GNG2: variants seen among roughly 807,000 people sequenced by gnomAD.
The protein encoded by GNG2 is G protein subunit gamma 2.
A neutral mutation model predicts 5.5 loss-of-function variants in GNG2; 5 were observed. The ratio of observed to expected loss-of-function variants is 0.91; its 90% CI spans 0.48 to 1.92. The LOEUF is 1.92. Among genes scored for constraint, GNG2 ranks in the 30% most tolerant of loss-of-function variants. GNG2 has a pLI of 0.01. For synonymous variants in GNG2, 28 were observed against 32.0 expected, an observed-to-expected ratio of 0.88 and a Z score of 0.42; for missense variants, 55 against 88.4, an observed-to-expected ratio of 0.62 and a Z score of 1.52.
At chr14:51,851,778 GC>G (rs1213882259) in intron 2 of GNG2, among the ~76,000 whole-genome samples, 3 of 152,160 alleles carry the variant, frequency 2.0e-5, no homozygotes, top group African/African-American at 7.2e-5. Context: ...CTCTAGTGGT[GC>G]CTTCTCAGCT....
Position 51,865,528 on chromosome 14 carries a change from G to C in GNG2, c.-71+4738G>C, listed in dbSNP as rs192180133. Among the ~76,000 whole-genome samples the C allele has an allele frequency of 1.1e-3, 172 of 152,170 alleles. 3 individuals carry two copies. Among genetic ancestry groups the C allele is most frequent in the Non-Finnish European group, 3.7e-4 (25 of 68,008 alleles). On this transcript the variant is annotated intron_variant, in intron 1 of 3. Transcript: ENST00000556766. ...AATGGTAGAGCTAAAAATGATCTGGGGGGTGACCTAGCCTATATTGACCTC... is the reference window on the plus strand; with the variant it reads ...AATGGTAGAGCTAAAAATGATCTGGCGGGTGACCTAGCCTATATTGACCTC...
At chr14:51,960,345 T>C (rs1889527017) in intron 3 of GNG2, among the ~76,000 whole-genome samples, 1 of 152,208 alleles carries the variant, frequency 6.6e-6, no homozygotes, top group South Asian at 2.1e-4. Flanking sequence ...TGCCTTTTTA[T>C]ATCTTCCATA....
At chr14:51,905,558 C>T (rs1421858193) in intron 2 of GNG2, among the ~76,000 whole-genome samples, 1 of 152,168 alleles carries the variant, frequency 6.6e-6, no homozygotes, top group African/African-American at 2.4e-5. Context: ...GTTACCTTTA[C>T]TCTTTCAGTC....
intron 1 of GNG2, among the ~76,000 whole-genome samples, chr14:51,865,128 G>A (rs745447019): frequency 3.9e-5 from 6 of 152,170 alleles, no homozygotes; most frequent in Non-Finnish European, 8.8e-5. Context: ...AATAATTAAT[G>A]TTAACTTTCT....
chr14:51,949,851 A>G (rs542396797), intron 2 of GNG2, among the ~76,000 whole-genome samples: 1 of 152,310 alleles, frequency 6.6e-6, no homozygotes, highest in South Asian at 2.1e-4. Flanking sequence ...AAGAAGAGAA[A>G]TGAATGTGGG....
chr14:51,966,231 A>AAAAAAAAAAAAAAAAAAAG lies in GNG2; in HGVS notation c.88-322_88-321insAAAAAAAAAAAAGAAAAAA, dbSNP rs61013183. On this transcript the variant is annotated intron_variant, in intron 3 of 3. Transcript: ENST00000556766. ...TCTCAAAAAAAAAAAAAAAAAAAAA[A>AAAAAAAAAAAAAAAAAAAG]AAAAAACAAATGAAGGAGACAGCCA... 9.9e-4 allele frequency among the ~76,000 whole-genome samples: 108 copies of AAAAAAAAAAAAAAAAAAAG among 108,574 alleles called. 6 individuals are homozygous for AAAAAAAAAAAAAAAAAAAG. The highest frequency in any genetic ancestry group is 5.7e-3 in the Middle Eastern group (1 of 176). 71.2% of individuals were successfully genotyped at this position (108,574 alleles called of 152,430 possible). A position where few individuals can be genotyped will look rare whatever the true frequency, so the allele number is the denominator to read the frequency against.
chr14:51,914,419 C>T, intron 2 of GNG2: 1 of 615,420 alleles, frequency 1.6e-6, no homozygotes, highest in South Asian at 1.9e-5. Flanking sequence ...TGCTAAGGTT[C>T]CCAAGGTGCG....
At chr14:51,901,579 C>T (rs534102805) in intron 2 of GNG2, among the ~76,000 whole-genome samples, 250 of 152,202 alleles carry the variant, frequency 1.6e-3, no homozygotes, top group Non-Finnish European at 3.0e-3. Context: ...CATGGGAGGA[C>T]GGCCAGCATA....
intron 2 of GNG2, among the ~76,000 whole-genome samples, chr14:51,926,620 G>T (rs989831522): frequency 6.6e-6 from 1 of 152,160 alleles, no homozygotes; most frequent in Non-Finnish European, 1.5e-5. Context: ...CAGAGTGCAC[G>T]CTGGGGTGGA....
At chr14:51,871,021 A>G (rs1325620697) in intron 1 of GNG2, among the ~76,000 whole-genome samples, 3 of 152,226 alleles carry the variant, frequency 2.0e-5, no homozygotes, top group African/African-American at 4.8e-5. Flanking sequence ...GACTTTGCCA[A>G]CAGAGCTCTG....
intron 2 of GNG2, among the ~76,000 whole-genome samples, chr14:51,949,636 C>CTTAG (rs1407654020): frequency 6.6e-6 from 1 of 152,072 alleles, no homozygotes; most frequent in Non-Finnish European, 1.5e-5. Flanking sequence ...AATCAAAGCA[C>CTTAG]TTAGGTTTTG....
intron 3 of GNG2, among the ~76,000 whole-genome samples, chr14:51,961,722 A>G (rs1334941542): frequency 6.6e-6 from 1 of 152,194 alleles, no homozygotes; most frequent in African/African-American, 2.4e-5. Context: ...AAGCCAACCC[A>G]TTGAGGAGAT....
chr14:51,925,909 A>C (rs1313975567), intron 2 of GNG2, among the ~76,000 whole-genome samples: 1 of 152,094 alleles, frequency 6.6e-6, no homozygotes, highest in Non-Finnish European at 1.5e-5. Flanking sequence ...GGTGTGAGCC[A>C]CCGCACCTGG....
intron 2 of GNG2, among the ~76,000 whole-genome samples, chr14:51,839,625 A>G (rs1485400636): frequency 6.6e-6 from 1 of 152,150 alleles, no homozygotes; most frequent in Non-Finnish European, 1.5e-5. Flanking sequence ...GGGTTGGAGG[A>G]GTTAACTGCA....
chr14:51,854,553 A>G (rs1338495521), intron 2 of GNG2, among the ~76,000 whole-genome samples: 2 of 152,010 alleles, frequency 1.3e-5, no homozygotes, highest in African/African-American at 4.8e-5. Flanking sequence ...TTTGTTGCCC[A>G]GGCTGGAGTG....
At chr14:51,935,051 G>T (rs1376428723) in intron 2 of GNG2, among the ~76,000 whole-genome samples, 1 of 135,366 alleles carries the variant, frequency 7.4e-6, no homozygotes, top group Non-Finnish European at 1.5e-5. Flanking sequence ...TGGAGACGGA[G>T]TCTCGCTCTG....
intron 3 of GNG2, among the ~76,000 whole-genome samples, chr14:51,962,302 A>G (rs373980126): frequency 2.3e-4 from 35 of 152,314 alleles, no homozygotes; most frequent in African/African-American, 7.5e-4. Flanking sequence ...TAGGTCTACA[A>G]TCATAAGGTG....
intron 3 of GNG2, among the ~76,000 whole-genome samples, chr14:51,962,177 A>G (rs1889652561): frequency 6.7e-6 from 1 of 150,220 alleles, no homozygotes; most frequent in South Asian, 2.1e-4. Flanking sequence ...GAGGGTCATT[A>G]GAATATTTTT....
At chr14:51,961,491 G>A (rs1160601211) in intron 3 of GNG2, among the ~76,000 whole-genome samples, 2 of 152,292 alleles carry the variant, frequency 1.3e-5, no homozygotes, top group Admixed American at 6.5e-5. Flanking sequence ...TCCTGCCTTC[G>A]TGGAGCCCAG....
Sources: allele counts gnomAD v4.1 joint callset (sites outside exome capture counted in the v4.1 genomes callset), GRCh38; gene constraint gnomAD v4.1.1; transcripts MANE v1.5; gene names NCBI Gene and HGNC (gene_info 2026-07-23, HGNC 2026-07-21).